Variants in MMRN1 observed in about 807,000 individuals in gnomAD.
The protein encoded by MMRN1 is multimerin-1.
In MMRN1, 94 loss-of-function variants were observed where a neutral mutation model predicts 100.7. The ratio of observed to expected loss-of-function variants is 0.93; its 90% confidence interval spans 0.79 to 1.11. MMRN1 has a LOEUF of 1.11. Ranked by LOEUF, MMRN1 falls within the 50% of genes least tolerant of loss-of-function variation. The pLI is 0.00. For missense variants in MMRN1, 1,606 were observed against 1,439.1 expected (o/e 1.12, Z -1.88); for synonymous variants, 575 against 505.0 (o/e 1.14, Z -1.86).
At chr4:89,898,616 C>A (rs1721285308) in intron 1 of MMRN1, among the ~76,000 whole-genome samples, 1 of 151,770 alleles carries the variant, frequency 6.6e-6, no homozygotes, top group African/African-American at 2.4e-5. Context: ...ACCTCCCCAA[C>A]CTCATCTTCC....
chr4:89,882,779 T>A lies in MMRN1; in HGVS notation c.-249+3177T>A, dbSNP rs534470253. Among the ~76,000 whole-genome samples the A allele has an allele frequency of 4.6e-5, 7 of 152,138 alleles. No individual in the cohort carries two copies. In the South Asian group the frequency reaches 8.3e-4, roughly 18 times the overall value. On this transcript the variant is annotated intron_variant, in intron 1 of 8. Transcript: ENST00000394980. Reference sequence around the variant, plus strand: ...AAACTTAATGTGTAATATATACACATTAAAATGCACAGCTGTTAGGTGTTC... The same window carrying A: ...AAACTTAATGTGTAATATATACACAATAAAATGCACAGCTGTTAGGTGTTC...
At chr4:89,901,030 T>C (rs188510588) in intron 1 of MMRN1, among the ~76,000 whole-genome samples, 1 of 150,970 alleles carries the variant, frequency 6.6e-6, no homozygotes, top group Non-Finnish European at 1.5e-5. Flanking sequence ...AAAGACAAAA[T>C]GAGGACTGAA....
intron 2 of MMRN1, among the ~76,000 whole-genome samples, chr4:89,910,856 G>T (rs1259630224): frequency 4.0e-5 from 6 of 151,276 alleles, no homozygotes; most frequent in Non-Finnish European, 8.9e-5. Context: ...AGTCTCTAAA[G>T]GCCGGTCTGT....
rs941130906 is a variant in MMRN1, at chr4:89,880,993, A to G, written c.-249+1391A>G. 2.0e-5 allele frequency among the ~76,000 whole-genome samples: 3 copies of G among 152,180 alleles called. No individual in the cohort carries two copies. The East Asian group carries it at 5.8e-4, about 29-fold the overall frequency. ...AACTATGTGCTTTCATAAAGTCGAT[A>G]AATGTAATAACTATTGGGATTTAGT... On this transcript the variant is annotated intron_variant, in intron 1 of 8. Coordinates refer to the MMRN1 transcript ENST00000394980.
At chr4:89,951,834 T>C in intron 7 of MMRN1, 83 bp downstream of exon 7, 1 of 1,454,392 alleles carries the variant, frequency 6.9e-7, no homozygotes, top group Admixed American at 2.0e-5. Flanking sequence ...TAATGAATAT[T>C]TAAGCCTGCT....
chr4:89,928,028 T>A (rs1722321848), intron 5 of MMRN1, 60 bp downstream of exon 5: 1 of 1,363,546 alleles, frequency 7.3e-7, no homozygotes, highest in African/African-American at 1.5e-5. Context: ...TGATTCATTT[T>A]TCTTTTCTTA....
chr4:89,888,219 G>A (rs1182173701), intron 1 of MMRN1, among the ~76,000 whole-genome samples: 1 of 151,850 alleles, frequency 6.6e-6, no homozygotes, highest in Non-Finnish European at 1.5e-5. Flanking sequence ...ATATCTTATA[G>A]GGTGGGTCTT....
chr4:89,887,290 G>GA (rs1019676479), intron 1 of MMRN1, among the ~76,000 whole-genome samples: 1 of 151,764 alleles, frequency 6.6e-6, no homozygotes, highest in African/African-American at 2.4e-5. Flanking sequence ...TCCAGAAATA[G>GA]AAAAAAATCC....
At position 89,935,647 on chromosome 4, in the gene MMRN1, G is replaced by T; in HGVS notation, c.1967G>T (p.Gly656Val). The change falls in exon 6 of 8, where the codon GGA (glycine) becomes GTA (valine). Residue 656 changes from glycine (G) to valine (V), a missense_variant. By Grantham distance (109) the Gly-to-Val change is moderately radical. Coordinates refer to ENST00000264790, the MANE Select transcript of MMRN1 (RefSeq NM_007351.3). ...ATCCTTCAACCCTTGCTTGAGCAGG[G>T]AGCATCACTCAGACAGACAATGACA... The part of the protein sequence containing the change: ...MEILQPLLEQ[G>V]ASLRQTMTYE... The T allele has an allele frequency of 6.2e-7, 1 of 1,613,318 alleles. No homozygotes were observed.
At chr4:89,880,277 C>A (rs1351058207) in intron 1 of MMRN1, among the ~76,000 whole-genome samples, 1 of 152,078 alleles carries the variant, frequency 6.6e-6, no homozygotes, top group East Asian at 1.9e-4. Context: ...ATATCTTGGG[C>A]AGTTACTTGA....
chr4:89,905,074 G>C (rs561101138), intron 1 of MMRN1, among the ~76,000 whole-genome samples: 36 of 151,470 alleles, frequency 2.4e-4, no homozygotes, highest in Non-Finnish European at 4.6e-4. Context: ...GAGCAGGTTG[G>C]ATTTGCAAAA....
chr4:89,936,595 A>G lies in MMRN1; in HGVS notation c.2915A>G (p.Gln972Arg), dbSNP rs1248975348. 1 of 1,611,788 alleles carries G rather than the reference A, an allele frequency of 6.2e-7. No individual in the cohort carries two copies. Among genetic ancestry groups the G allele is most frequent in the South Asian group, 1.1e-5 (1 of 90,470 alleles). The part of the protein sequence containing the change: ...GLTEFVEPII[Q>R]IKTQAALSNL... ...ACAGAATTTGTGGAACCAATAATTCAAATAAAAACTCAAGCTGCCCTATCT... is the reference window on the plus strand; with the variant it reads ...ACAGAATTTGTGGAACCAATAATTCGAATAAAAACTCAAGCTGCCCTATCT... Residue 972 changes from glutamine (Q) to arginine (R), a missense_variant, in exon 6 of 8, where the codon CAA becomes CGA. By Grantham distance (43) the Gln-to-Arg change is conservative. Coordinates refer to ENST00000264790, the MANE Select transcript of MMRN1 (RefSeq NM_007351.3).
intron 1 of MMRN1, among the ~76,000 whole-genome samples, chr4:89,886,258 A>G (rs1451661451): frequency 4.6e-5 from 7 of 152,044 alleles, no homozygotes; most frequent in Admixed American, 4.6e-4. Context: ...TGTTTTGATT[A>G]TCATTCAGTT....
At chr4:89,892,406 T>A (rs1721075633), upstream of MMRN1, among the ~76,000 whole-genome samples, 1 of 151,618 alleles carries the variant, frequency 6.6e-6, no homozygotes, top group Non-Finnish European at 1.5e-5. Context: ...TCTAGAAGAA[T>A]GAGTAAACTG....
chr4:89,915,143 A>C (rs564609248), intron 3 of MMRN1, among the ~76,000 whole-genome samples: 99 of 151,588 alleles, frequency 6.5e-4, no homozygotes, highest in Non-Finnish European at 1.2e-3. Flanking sequence ...AGCTACTGTA[A>C]CTAACATTTG....
intron 7 of MMRN1, among the ~76,000 whole-genome samples, chr4:89,952,752 T>C (rs772288466): frequency 6.6e-6 from 1 of 152,120 alleles, no homozygotes; most frequent in Non-Finnish European, 1.5e-5. Context: ...AGGTATCAAA[T>C]GTTATTTTTA....
chr4:89,880,189 TG>T (rs1191991048), intron 1 of MMRN1, among the ~76,000 whole-genome samples: 2 of 152,166 alleles, frequency 1.3e-5, no homozygotes, highest in Non-Finnish European at 2.9e-5. Context: ...TCAGTTAAGT[TG>T]GGGGAGAAGG....
intron 7 of MMRN1, among the ~76,000 whole-genome samples, 176 bp downstream of exon 7, chr4:89,951,927 T>C (rs2110659686): frequency 1.3e-5 from 2 of 152,312 alleles, no homozygotes. Context: ...GAAATGTCCT[T>C]TTGTTAGGCA....
intron 4 of MMRN1, among the ~76,000 whole-genome samples, chr4:89,924,828 G>A (rs1445786921): frequency 6.6e-6 from 1 of 151,998 alleles, no homozygotes; most frequent in African/African-American, 2.4e-5. Flanking sequence ...TGGTGACAGA[G>A]CGAGACTGTC....
Sources: allele counts gnomAD v4.1 joint callset (sites outside exome capture counted in the v4.1 genomes callset), GRCh38; gene constraint gnomAD v4.1.1; transcripts MANE v1.5; gene names NCBI Gene and HGNC (gene_info 2026-07-23, HGNC 2026-07-21).